Variants in SHROOM3 observed in about 807,000 individuals in gnomAD.
SHROOM3 encodes the protein protein Shroom3.
Under a neutral mutation model 138.6 loss-of-function variants are expected in SHROOM3, and 47 were observed. The observed-to-expected ratio is 0.34, with a 90% CI of 0.27 to 0.43. The LOEUF is 0.43. SHROOM3 is among the 20% of genes least tolerant of loss of function. The pLI, the probability that SHROOM3 is intolerant of heterozygous loss-of-function variation, is 1.00. For missense variants in SHROOM3, 2,491 were observed against 2,596.5 expected (o/e 0.96, Z 0.88); for synonymous variants, 1,062 against 1,063.3 (o/e 1.00, Z 0.02).
chr4:76,448,071 T>G (rs1293651047), intron 1 of SHROOM3, among the ~76,000 whole-genome samples: 1 of 152,038 alleles, frequency 6.6e-6, no homozygotes, highest in Non-Finnish European at 1.5e-5. Context: ...TAAATAAAAT[T>G]ATTTATAGAG....
At chr4:76,680,716 T>C (rs978557082) in intron 2 of SHROOM3, among the ~76,000 whole-genome samples, 3 of 152,344 alleles carry the variant, frequency 2.0e-5, no homozygotes, top group East Asian at 3.9e-4. Context: ...AATGTTTAGC[T>C]ACCATTTTGT....
At chr4:76,735,777 T>C (rs1357134077) in intron 4 of SHROOM3, among the ~76,000 whole-genome samples, 1 of 142,110 alleles carries the variant, frequency 7.0e-6, no homozygotes, top group African/African-American at 2.6e-5. Flanking sequence ...GAGGCGGTGG[T>C]TGCAGTGAGC....
intron 2 of SHROOM3, among the ~76,000 whole-genome samples, chr4:76,607,886 T>C (rs1037509985): frequency 2.0e-5 from 3 of 152,214 alleles, no homozygotes; most frequent in Non-Finnish European, 4.4e-5. Context: ...TAATCAGTAG[T>C]AACATTAACC....
chr4:76,527,693 C>A lies in SHROOM3; in HGVS notation c.169-27916C>A, dbSNP rs78022580. Among the ~76,000 whole-genome samples, 633 of 152,314 alleles carry A rather than the reference C, an allele frequency of 4.2e-3. 3 individuals carry two copies. The highest frequency in any genetic ancestry group is 0.014 in the African/African-American group (570 of 41,562). On this transcript the variant is annotated intron_variant, in intron 1 of 10. Transcript: ENST00000296043. The stretch of plus-strand genomic sequence containing the variant: ...TTTCGGTGTTGGTTTGATTTAGTAA[C>A]TTGTCATTTTTTCTTTACCTTTTAT...
intron 2 of SHROOM3, among the ~76,000 whole-genome samples, chr4:76,557,217 G>A (rs1311549562): frequency 8.9e-6 from 1 of 112,978 alleles, no homozygotes; most frequent in Non-Finnish European, 1.8e-5. Context: ...ATATGTATAT[G>A]TTTATGTATA....
chr4:76,683,868 T>C (rs1036597636), intron 2 of SHROOM3, among the ~76,000 whole-genome samples: 1 of 152,170 alleles, frequency 6.6e-6, no homozygotes, highest in African/African-American at 2.4e-5. Flanking sequence ...TCAAAGTCTA[T>C]AGAAGTGTTT....
At chr4:76,726,534 C>A (rs1720709897) in intron 3 of SHROOM3, among the ~76,000 whole-genome samples, 1 of 119,540 alleles carries the variant, frequency 8.4e-6, no homozygotes, top group African/African-American at 3.1e-5. Context: ...CTCCCATCCC[C>A]TCCATCTAAA....
intron 1 of SHROOM3, among the ~76,000 whole-genome samples, chr4:76,480,184 C>A (rs1360837874): frequency 6.6e-6 from 1 of 152,194 alleles, no homozygotes; most frequent in Admixed American, 6.5e-5. Flanking sequence ...TTAAAAGACA[C>A]AGACTGGCAA....
At chr4:76,597,302 C>T (rs766014787) in intron 2 of SHROOM3, among the ~76,000 whole-genome samples, 4 of 151,908 alleles carry the variant, frequency 2.6e-5, no homozygotes, top group Admixed American at 2.0e-4. Flanking sequence ...GTAAAGGATT[C>T]GAGGAGTGAG....
In SHROOM3 at chr4:76,740,654, G is replaced by C. The variant is rs780834793; in HGVS notation, c.2481G>C (p.Glu827Asp). The change falls in exon 5 of 11, where the codon GAG (glutamate) becomes GAC (aspartate). Residue 827 changes from glutamate (E) to aspartate (D), a missense_variant. By Grantham distance (45) the Glu-to-Asp change is conservative. This residue lies in a region of SHROOM3 where 1,733 missense variants were observed against 1,661.6 expected (regional missense o/e 1.04). Transcript: ENST00000296043. This position sits in a 1 kb window ranked among gnomAD's most constrained non-coding sequence, Gnocchi z 4.0. ...TSSTSGNDFE[E>D]TKAHIRFSES... is the part of the protein sequence containing the mutation. ...GTACTTCTGGGAATGACTTCGAGGAGACAAAAGCACACATTCGTTTCTCTG... is the reference window on the plus strand; with the variant it reads ...GTACTTCTGGGAATGACTTCGAGGACACAAAAGCACACATTCGTTTCTCTG... 2 of 1,614,066 alleles carry C rather than the reference G, an allele frequency of 1.2e-6. No individual in the cohort carries two copies. Among genetic ancestry groups the C allele is most frequent in the African/African-American group, 1.3e-5 (1 of 74,950 alleles).
chr4:76,638,474 A>G (rs1735567063), intron 2 of SHROOM3, among the ~76,000 whole-genome samples: 1 of 152,164 alleles, frequency 6.6e-6, no homozygotes, highest in African/African-American at 2.4e-5. Context: ...GCTTGCGCCT[A>G]GGAGTTCAAG....
rs887458640 is a variant in SHROOM3 at position 76,494,845 on chromosome 4, A to G, written c.168+58625A>G. 2.0e-5 allele frequency among the ~76,000 whole-genome samples: 3 copies of G among 152,226 alleles called. No homozygotes were observed. The South Asian group carries it at 6.2e-4, about 31-fold the overall frequency. On this transcript the variant is annotated intron_variant, in intron 1 of 10. Transcript: ENST00000296043. ...ATTTGGCAAATAGAGGTCGTTTGTCAAGGTTGGTTCTAAAGGGGCTGCCTA... is the reference window on the plus strand; with the variant it reads ...ATTTGGCAAATAGAGGTCGTTTGTCGAGGTTGGTTCTAAAGGGGCTGCCTA...
At chr4:76,621,958 G>T (rs1415243378) in intron 2 of SHROOM3, among the ~76,000 whole-genome samples, 1 of 151,400 alleles carries the variant, frequency 6.6e-6, no homozygotes, top group African/African-American at 2.4e-5. Context: ...AGCTTCCCAA[G>T]TATCTGGGAT....
At chr4:76,586,217 T>C in intron 2 of SHROOM3, 3 of 983,544 alleles carry the variant, frequency 3.1e-6, no homozygotes, top group Non-Finnish European at 3.6e-6. Context: ...CTGCCTTTTG[T>C]GTTTGGCTAA....
Position 76,739,790 on chromosome 4 carries a change from G to A in SHROOM3, c.1617G>A (p.Leu539=). The part of the protein sequence containing the change: ...AFCQPLEHDL[L]SPVEKKPEAT... ...GCCAGCCCTTAGAACATGACTTGCTGTCCCCAGTGGAGAAGAAACCAGAAG... is the reference window on the plus strand; with the variant it reads ...GCCAGCCCTTAGAACATGACTTGCTATCCCCAGTGGAGAAGAAACCAGAAG... Residue 539 remains leucine (L), a synonymous_variant, in exon 5 of 11, where the codon CTG becomes CTA. Transcript: ENST00000296043. The A allele has an allele frequency of 1.2e-6, 2 of 1,614,198 alleles. No individual in the cohort carries two copies. The highest frequency in any genetic ancestry group is 1.7e-6 in the Non-Finnish European group (2 of 1,180,038).
chr4:76,518,597 G>GCCTGCCTGCCTGCC (rs1732497600), intron 1 of SHROOM3, among the ~76,000 whole-genome samples: 1 of 149,982 alleles, frequency 6.7e-6, no homozygotes, highest in African/African-American at 2.5e-5. Context: ...CTGCCTGCCT[G>GCCTGCCTGCCTGCC]TGTTAAATAA....
At chr4:76,702,307 C>CA (rs1719924557) in intron 2 of SHROOM3, among the ~76,000 whole-genome samples, 1 of 152,158 alleles carries the variant, frequency 6.6e-6, no homozygotes, top group East Asian at 1.9e-4. Flanking sequence ...ATTATTGCCT[C>CA]AAATGATAAG....
chr4:76,650,003 A>T (rs922507619), intron 2 of SHROOM3, among the ~76,000 whole-genome samples: 1 of 152,178 alleles, frequency 6.6e-6, no homozygotes, highest in Non-Finnish European at 1.5e-5. Flanking sequence ...CCTGGCTCGC[A>T]GGTGGCTTCC....
At chr4:76,508,948 G>T (rs1323327667) in intron 1 of SHROOM3, among the ~76,000 whole-genome samples, 2 of 152,132 alleles carry the variant, frequency 1.3e-5, no homozygotes, top group African/African-American at 4.8e-5. Flanking sequence ...ATGGTGGAAG[G>T]CGGAAGGACA....
Sources: allele counts gnomAD v4.1 joint callset (sites outside exome capture counted in the v4.1 genomes callset), GRCh38; gene constraint gnomAD v4.1.1; regional missense constraint gnomAD v4.1.1; non-coding constraint Gnocchi (gnomAD v3.1); transcripts MANE v1.5; gene names NCBI Gene and HGNC (gene_info 2026-07-23, HGNC 2026-07-21).